NEDD4L: variants seen among roughly 807,000 people sequenced by gnomAD.
NEDD4L encodes the protein NEDD4 like E3 ubiquitin protein ligase.
NEDD4L carries 54 observed loss-of-function variants against 148.9 expected under a neutral mutation model. The observed-to-expected ratio is 0.36, with a 90% CI of 0.29 to 0.45. NEDD4L has a LOEUF of 0.45. Ranked by LOEUF, NEDD4L falls within the 20% of genes least tolerant of loss-of-function variation. NEDD4L has a pLI of 1.00. For synonymous variants in NEDD4L, 433 were observed against 440.7 expected, an observed-to-expected ratio of 0.98 and a Z score of 0.22; for missense variants, 856 against 1,233.8, an observed-to-expected ratio of 0.69 and a Z score of 4.59.
intron 28 of NEDD4L, 154 bp from the exon 29 acceptor site, chr18:58,390,492 A>G: frequency 1.7e-6 from 1 of 580,992 alleles, no homozygotes; most frequent in Admixed American, 2.6e-5. Context: ...GCCAGCTAGT[A>G]TTGTGGCCAT....
intron 5 of NEDD4L, among the ~76,000 whole-genome samples, chr18:58,265,566 T>TG: frequency 6.6e-6 from 1 of 152,162 alleles, no homozygotes; most frequent in Middle Eastern, 3.4e-3. Flanking sequence ...AGCTTTCTTT[T>TG]GGGGAATTGA....
At chr18:58,181,187 C>T (rs2146975189) in intron 2 of NEDD4L, among the ~76,000 whole-genome samples, 1 of 152,192 alleles carries the variant, frequency 6.6e-6, no homozygotes, top group South Asian at 2.1e-4. Flanking sequence ...CTTTATTTCC[C>T]CTTTATTTCT....
At chr18:58,358,470 G>T (rs1425779634) in intron 19 of NEDD4L, among the ~76,000 whole-genome samples, 1 of 152,102 alleles carries the variant, frequency 6.6e-6, no homozygotes, top group Non-Finnish European at 1.5e-5. Context: ...TTCTTTTTAA[G>T]TGACAGAAGA....
Position 58,068,916 on chromosome 18 carries a change from C to T in NEDD4L, c.48+24208C>T, listed in dbSNP as rs560766546. ...CTTTGGGAGGCTGAGGCAGGCAGAT[C>T]ATTTGAGGTCAGGAGTTCAAGATCA... On this transcript the variant is annotated intron_variant, in intron 1 of 30. Coordinates refer to ENST00000400345, the MANE Select transcript of NEDD4L (RefSeq NM_001144967.3). Among the ~76,000 whole-genome samples, 46 of 152,212 alleles carry T rather than the reference C, an allele frequency of 3.0e-4. 1 individual carries two copies. The South Asian group carries it at 8.9e-3, about 29-fold the overall frequency.
intron 1 of NEDD4L, among the ~76,000 whole-genome samples, chr18:58,063,498 T>G (rs1212171403): frequency 6.6e-6 from 1 of 152,224 alleles, no homozygotes; most frequent in Non-Finnish European, 1.5e-5. Flanking sequence ...TTGCCAAAAT[T>G]TCTCTTCAAG....
At chr18:58,076,095 T>G (rs1199107482) in intron 1 of NEDD4L, among the ~76,000 whole-genome samples, 1 of 152,224 alleles carries the variant, frequency 6.6e-6, no homozygotes, top group Non-Finnish European at 1.5e-5. Context: ...TAAAGAGTGA[T>G]TTCCCTGGAT....
At chr18:58,088,301 G>T (rs1405576033) in intron 1 of NEDD4L, among the ~76,000 whole-genome samples, 2 of 152,192 alleles carry the variant, frequency 1.3e-5, no homozygotes, top group Non-Finnish European at 2.9e-5. Context: ...ACTACATGAG[G>T]GTGAGTCCAG....
intron 2 of NEDD4L, among the ~76,000 whole-genome samples, chr18:58,204,518 C>G (rs749379423): frequency 6.6e-6 from 1 of 152,164 alleles, no homozygotes; most frequent in Non-Finnish European, 1.5e-5. Flanking sequence ...CTTCAAGATG[C>G]TTACAGTCTA....
intron 2 of NEDD4L, among the ~76,000 whole-genome samples, chr18:58,212,223 C>T (rs993741003): frequency 2.0e-5 from 3 of 152,154 alleles, no homozygotes; most frequent in Non-Finnish European, 4.4e-5. Context: ...ACCTCCCAGA[C>T]TCAGGTGATT....
At chr18:58,287,771 T>G (rs745966524) in intron 5 of NEDD4L, among the ~76,000 whole-genome samples, 25 of 152,186 alleles carry the variant, frequency 1.6e-4, no homozygotes, top group Non-Finnish European at 3.2e-4. Context: ...CAGGTCATTG[T>G]CCTTTTGTGA....
At chr18:58,160,365 T>A (rs2036045135) in intron 1 of NEDD4L, among the ~76,000 whole-genome samples, 1 of 152,192 alleles carries the variant, frequency 6.6e-6, no homozygotes, top group African/African-American at 2.4e-5. Flanking sequence ...GATGAAGAAG[T>A]ACAAAATTCA....
intron 2 of NEDD4L, among the ~76,000 whole-genome samples, chr18:58,219,237 AGTT>A (rs1214649447): frequency 6.6e-6 from 1 of 152,174 alleles, no homozygotes; most frequent in Non-Finnish European, 1.5e-5. Flanking sequence ...GCAGAATTGG[AGTT>A]GGAAAGATCA....
chr18:58,236,514 A>AT (rs1377280971), intron 2 of NEDD4L, among the ~76,000 whole-genome samples: 1 of 152,018 alleles, frequency 6.6e-6, no homozygotes, highest in African/African-American at 2.4e-5. Flanking sequence ...TTGTCTTGGA[A>AT]TTTTTTTCTT....
intron 2 of NEDD4L, among the ~76,000 whole-genome samples, chr18:58,234,777 G>A (rs2148225416): frequency 6.6e-6 from 1 of 152,218 alleles, no homozygotes; most frequent in Non-Finnish European, 1.5e-5. Context: ...TTTGTGTTTA[G>A]GCCAGTGCCA....
intron 5 of NEDD4L, among the ~76,000 whole-genome samples, chr18:58,282,178 G>A (rs1387076637): frequency 6.6e-6 from 1 of 151,488 alleles, no homozygotes; most frequent in African/African-American, 2.4e-5. Flanking sequence ...CGCGTGAGTG[G>A]TGCATAGTTT....
At chr18:58,321,903 C>T (rs909405194) in intron 6 of NEDD4L, among the ~76,000 whole-genome samples, 1 of 152,200 alleles carries the variant, frequency 6.6e-6, no homozygotes, top group African/African-American at 2.4e-5. Context: ...GCTTCATGAA[C>T]TGAACCTCAG....
intron 1 of NEDD4L, among the ~76,000 whole-genome samples, chr18:58,089,097 G>A (rs10503021): frequency 4.2e-5 from 6 of 141,528 alleles, no homozygotes; most frequent in African/African-American, 1.6e-4. Context: ...TATGTACCAC[G>A]TTTCTACCCA....
Position 58,256,885 on chromosome 18 carries a change from G to A in NEDD4L, c.297+4831G>A, listed in dbSNP as rs1399850881. 4 of 993,844 alleles carry A rather than the reference G, an allele frequency of 4.0e-6. No homozygotes were observed. In the African/African-American group the frequency reaches 5.0e-5, roughly 12 times the overall value. The allele number at this position is 993,844 out of a possible 1,614,324, so 61.6% of individuals were successfully genotyped here. A position where few individuals can be genotyped will look rare whatever the true frequency, so the allele number is the denominator to read the frequency against. On this transcript the variant is annotated intron_variant, in intron 5 of 30. Coordinates refer to ENST00000400345, the MANE Select transcript of NEDD4L (RefSeq NM_001144967.3). The surrounding 1 kb of genome is among the most constrained non-coding windows in gnomAD (Gnocchi z 5.2). The stretch of plus-strand genomic sequence containing the variant: ...CTGTTCCGGGAGTTTCCCTGCTTCA[G>A]GCCAGTGGATCTGAATGTTTGGCCG...
chr18:58,127,645 C>G (rs1459913290), intron 1 of NEDD4L, among the ~76,000 whole-genome samples: 1 of 152,038 alleles, frequency 6.6e-6, no homozygotes, highest in African/African-American at 2.4e-5. Flanking sequence ...TGAGACCATC[C>G]TGGCCTAACA....
Sources: allele counts gnomAD v4.1 joint callset (sites outside exome capture counted in the v4.1 genomes callset), GRCh38; gene constraint gnomAD v4.1.1; non-coding constraint Gnocchi (gnomAD v3.1); transcripts MANE v1.5; gene names NCBI Gene and HGNC (gene_info 2026-07-23, HGNC 2026-07-21).